ADGRL3: variants seen among roughly 807,000 people sequenced by gnomAD.
The protein encoded by ADGRL3 is calcium-independent alpha-latrotoxin receptor 3.
ADGRL3 carries 62 observed loss-of-function variants against 153.5 expected under a neutral mutation model. The observed-to-expected ratio is 0.40, with a 90% CI of 0.33 to 0.50. ADGRL3 has a LOEUF of 0.50. ADGRL3 is among the 20% of genes least tolerant of loss of function. ADGRL3 has a pLI of 0.47. For missense variants in ADGRL3, 1,641 were observed against 1,859.4 expected, an observed-to-expected ratio of 0.88 and a Z score of 2.16; for synonymous variants, 710 against 672.5, an observed-to-expected ratio of 1.06 and a Z score of -0.86.
intron 1 of ADGRL3, among the ~76,000 whole-genome samples, chr4:61,261,915 G>A (rs1313780711): frequency 6.6e-6 from 1 of 152,116 alleles, no homozygotes; most frequent in Non-Finnish European, 1.5e-5. Flanking sequence ...AACTAAGACA[G>A]GATTGTTCTT....
rs142121978 is a variant in ADGRL3 at position 61,629,146 on chromosome 4, C to T, written c.473+41706C>T. On this transcript the variant is annotated intron_variant, in intron 5 of 26. Transcript: ENST00000683033. ...ATGGAGACTCTTTGGGAACCTCTTT[C>T]GCTTAAAAGTACTATGGAGATAGAA... Among the ~76,000 whole-genome samples, 74 of 152,202 alleles carry T rather than the reference C, an allele frequency of 4.9e-4. No individual in the cohort carries two copies. The East Asian group carries it at 0.012, about 26-fold the overall frequency.
intron 1 of ADGRL3, among the ~76,000 whole-genome samples, chr4:61,362,824 A>G (rs2096310425): frequency 6.6e-6 from 1 of 152,164 alleles, no homozygotes; most frequent in Non-Finnish European, 1.5e-5. Context: ...ATAAAGTTTC[A>G]TATATAGATG....
At chr4:61,298,123 A>C (rs2094471032) in intron 1 of ADGRL3, among the ~76,000 whole-genome samples, 1 of 152,220 alleles carries the variant, frequency 6.6e-6, no homozygotes, top group South Asian at 2.1e-4. Flanking sequence ...ACTGTATTAT[A>C]CTTTTGTTAC....
intron 5 of ADGRL3, among the ~76,000 whole-genome samples, chr4:61,593,359 GTTGT>G (rs1053930381): frequency 1.3e-5 from 2 of 151,726 alleles, no homozygotes; most frequent in Admixed American, 6.6e-5. Flanking sequence ...TTTTTTTGTT[GTTGT>G]TTGTTTGTTT....
chr4:61,849,485 T>TA (rs1029909638), intron 9 of ADGRL3, among the ~76,000 whole-genome samples: 9 of 99,458 alleles, frequency 9.0e-5, no homozygotes, highest in African/African-American at 4.9e-4. Context: ...TATTTTTATA[T>TA]TTTTTTTTTG....
intron 1 of ADGRL3, among the ~76,000 whole-genome samples, chr4:61,279,162 G>T (rs915704925): frequency 6.6e-6 from 1 of 152,150 alleles, no homozygotes; most frequent in African/African-American, 2.4e-5. Context: ...CAGCTTAGGG[G>T]CAGATACTTT....
chr4:61,706,112 G>A (rs930021972), intron 6 of ADGRL3, among the ~76,000 whole-genome samples: 3 of 152,084 alleles, frequency 2.0e-5, no homozygotes, highest in Admixed American at 6.6e-5. Flanking sequence ...GTCCTAGATG[G>A]TATCTACTTC....
chr4:61,861,262 AT>A (rs1488159497), intron 9 of ADGRL3, among the ~76,000 whole-genome samples: 4 of 152,322 alleles, frequency 2.6e-5, no homozygotes, highest in African/African-American at 9.6e-5. Flanking sequence ...GAATTTAGGC[AT>A]CTGGGAAATG....
chr4:61,936,150 T>G (rs765431631), intron 15 of ADGRL3, 105 bp downstream of exon 15: 31 of 1,232,038 alleles, frequency 2.5e-5, no homozygotes, highest in Non-Finnish European at 3.5e-5. Context: ...TTTTCCCCTC[T>G]TCCTCTTCCT....
chr4:61,576,005 G>A (rs2098876649), intron 4 of ADGRL3, among the ~76,000 whole-genome samples: 1 of 151,986 alleles, frequency 6.6e-6, no homozygotes, highest in South Asian at 2.1e-4. Flanking sequence ...TTTCATGACA[G>A]TTTTCCAACA....
chr4:61,846,508 T>A (rs1363355920), intron 9 of ADGRL3, among the ~76,000 whole-genome samples: 2 of 152,122 alleles, frequency 1.3e-5, no homozygotes, highest in Non-Finnish European at 2.9e-5. Context: ...TACGGTGCAT[T>A]CTGTTTTGCA....
chr4:62,054,245 G>A (rs1237006410), intron 25 of ADGRL3, among the ~76,000 whole-genome samples: 1 of 151,594 alleles, frequency 6.6e-6, no homozygotes, highest in African/African-American at 2.4e-5. Context: ...AAATGTTCAA[G>A]TTAAAAGAAC....
At chr4:62,045,821 G>T (rs550743525) in intron 25 of ADGRL3, among the ~76,000 whole-genome samples, 3 of 151,828 alleles carry the variant, frequency 2.0e-5, no homozygotes, top group East Asian at 3.9e-4. Context: ...CGAAGAAAAC[G>T]TATTAAAATA....
intron 4 of ADGRL3, among the ~76,000 whole-genome samples, chr4:61,560,163 T>C (rs923470757): frequency 1.3e-5 from 2 of 152,124 alleles, no homozygotes; most frequent in African/African-American, 4.8e-5. Context: ...TAGCCTATTA[T>C]ATTGTCACTA....
chr4:61,417,220 G>A (rs1203882097), intron 2 of ADGRL3, among the ~76,000 whole-genome samples: 1 of 152,088 alleles, frequency 6.6e-6, no homozygotes, highest in Admixed American at 6.5e-5. Flanking sequence ...AAGACCGGGG[G>A]TGGTGGCTTA....
chr4:61,586,435 A>G (rs1284186694), intron 4 of ADGRL3, among the ~76,000 whole-genome samples: 1 of 152,104 alleles, frequency 6.6e-6, no homozygotes, highest in African/African-American at 2.4e-5. Context: ...ATATCCAGAT[A>G]TGGAAAGATT....
intron 2 of ADGRL3, among the ~76,000 whole-genome samples, chr4:61,455,355 A>C (rs1418722427): frequency 6.6e-6 from 1 of 152,180 alleles, no homozygotes; most frequent in Non-Finnish European, 1.5e-5. Context: ...TTCTGTGACA[A>C]AGGTTATAGT....
intron 11 of ADGRL3, among the ~76,000 whole-genome samples, chr4:61,899,632 T>C (rs773337882): frequency 7.2e-5 from 11 of 152,192 alleles, no homozygotes; most frequent in Non-Finnish European, 1.5e-4. Flanking sequence ...CTTAGTCCAC[T>C]TGGACTGCTA....
intron 5 of ADGRL3, among the ~76,000 whole-genome samples, chr4:61,600,425 A>T (rs1027294815): frequency 5.3e-5 from 8 of 151,402 alleles, no homozygotes; most frequent in African/African-American, 1.9e-4. Context: ...TTAGGAAGTT[A>T]GGTGTTCAGC....
Sources: gnomAD v4.1 joint callset for allele counts (sites outside exome capture counted in the v4.1 genomes callset) on GRCh38, gnomAD v4.1.1 for gene constraint, MANE v1.5 for transcripts, NCBI Gene and HGNC (gene_info 2026-07-23, HGNC 2026-07-21) for gene names.